Variants in COMT observed in about 807,000 individuals in gnomAD.
The protein encoded by COMT is catechol O-methyltransferase.
Under a neutral mutation model 18.9 loss-of-function variants are expected in COMT, and 13 were observed. That is an observed-to-expected ratio of 0.69 (90% CI 0.45 to 1.09). The LOEUF is 1.09. Ranked by LOEUF, COMT falls within the 50% of genes least tolerant of loss-of-function variation. COMT has a pLI of 0.00. For missense variants in COMT, 329 were observed against 361.8 expected (o/e 0.91, Z 0.73); for synonymous variants, 150 against 160.9 (o/e 0.93, Z 0.51).
chr22:19,954,021 C>A (rs1004835490), intron 1 of COMT, among the ~76,000 whole-genome samples: 23 of 152,180 alleles, frequency 1.5e-4, no homozygotes, highest in Non-Finnish European at 8.8e-5. Flanking sequence ...GCCCCACAGG[C>A]AGGGATGGCC....
At chr22:19,957,033 C>T (rs1054591431) in intron 1 of COMT, among the ~76,000 whole-genome samples, 1 of 151,290 alleles carries the variant, frequency 6.6e-6, no homozygotes, top group Non-Finnish European at 1.5e-5. Flanking sequence ...TCACTGCAAG[C>T]TCCGCCTCTG....
intron 1 of COMT, among the ~76,000 whole-genome samples, chr22:19,951,892 C>T (rs544942987): frequency 2.0e-5 from 3 of 152,336 alleles, no homozygotes; most frequent in Admixed American, 6.5e-5. Flanking sequence ...GGCTGGGAGA[C>T]AGGGGCCCCA....
chr22:19,954,088 C>T (rs1336984449), intron 1 of COMT, among the ~76,000 whole-genome samples: 1 of 152,212 alleles, frequency 6.6e-6, no homozygotes, highest in Non-Finnish European at 1.5e-5. Context: ...TTGCCTCTCT[C>T]AGCCCAGCCC....
intron 3 of COMT, chr22:19,963,341 G>A (rs1942247280): frequency 3.3e-6 from 2 of 609,666 alleles, no homozygotes; most frequent in Non-Finnish European, 5.8e-6. Flanking sequence ...GGGACCATGG[G>A]AGCTCCAAGC....
chr22:19,952,650 AAAC>A (rs922830950), intron 1 of COMT, among the ~76,000 whole-genome samples: 16 of 135,020 alleles, frequency 1.2e-4, no homozygotes, highest in African/African-American at 2.6e-4. Context: ...AAACAAAACA[AAAC>A]AACAACAAAA....
At position 19,962,987 on chromosome 22, in the gene COMT, G is replaced by T; in HGVS notation, c.289+172G>T. 7.8e-6 allele frequency: 6 copies of T among 773,674 alleles called. No individual in the cohort carries two copies. In the South Asian group the frequency reaches 9.5e-5, roughly 12 times the overall value. The allele number at this position is 773,674 out of a possible 1,614,324, so 47.9% of individuals were successfully genotyped here. A position where few individuals can be genotyped will look rare whatever the true frequency, so the allele number is the denominator to read the frequency against. ...GGAGTCCCAGGGTGCCAGGGTCCCT[G>T]ATGACCCCTGCAGGCCCTGCTGCCT... On this transcript the variant is annotated intron_variant, in intron 3 of 5. Transcript: ENST00000361682.
Position 19,964,192 on chromosome 22 carries a change from C to T in COMT, c.508C>T (p.Gln170Ter). 1 of 1,614,124 alleles carries T rather than the reference C, an allele frequency of 6.2e-7. No homozygotes were observed. The highest frequency in any genetic ancestry group is 8.5e-7 in the Non-Finnish European group (1 of 1,180,032). ...GGTCACCCTTGTGGTTGGAGCGTCCCAGGACATCATCCCCCAGCTGAAGAA... is the reference window on the plus strand; with the variant it reads ...GGTCACCCTTGTGGTTGGAGCGTCCTAGGACATCATCCCCCAGCTGAAGAA... ...DKVTLVVGAS[Q>*]DIIPQLKKKY... Residue 170 changes from glutamine to a stop codon, truncating the protein, a stop_gained, in exon 5 of 6, where the codon CAG becomes TAG. Transcript: ENST00000361682. LOFTEE classifies it high-confidence loss of function.
chr22:19,956,679 T>G (rs1023273717), intron 1 of COMT, among the ~76,000 whole-genome samples: 3 of 151,778 alleles, frequency 2.0e-5, no homozygotes, highest in Non-Finnish European at 4.4e-5. Flanking sequence ...CCAGGCCCAT[T>G]TTCTAGTTAT....
intron 1 of COMT, among the ~76,000 whole-genome samples, chr22:19,943,635 A>G (rs1941783993): frequency 6.7e-6 from 1 of 148,778 alleles, no homozygotes. Context: ...GAGAGCCCCT[A>G]TCTTTAAAAA....
chr22:19,948,325 G>T (rs1343868110), intron 1 of COMT, among the ~76,000 whole-genome samples: 1 of 152,040 alleles, frequency 6.6e-6, no homozygotes, highest in African/African-American at 2.4e-5. Flanking sequence ...GTCTTCCAGG[G>T]GCCCTCCAGG....
At chr22:19,967,116 A>G (rs1032779737) in intron 5 of COMT, 9 of 1,286,792 alleles carry the variant, frequency 7.0e-6, no homozygotes, top group Non-Finnish European at 9.2e-6. Flanking sequence ...AAGGTGACCC[A>G]TGCTCCTTTC....
intron 4 of COMT, 84 bp downstream of exon 4, chr22:19,963,843 A>G: frequency 1.4e-6 from 2 of 1,469,956 alleles, no homozygotes; most frequent in Non-Finnish European, 1.8e-6. Context: ...CCTCCCCACC[A>G]GGTGTTCACA....
At position 19,955,836 on chromosome 22, in the gene COMT, C is replaced by G. The variant is rs115252241; in HGVS notation, c.-91-5363C>G. On this transcript the variant is annotated intron_variant, in intron 1 of 5. Coordinates refer to ENST00000361682, the MANE Select transcript of COMT (RefSeq NM_000754.4). ...GTGGCCTTTCCGAGGGTCACTGCAG[C>G]CGCATGTTGGCCCTCTGTGGAGAAC... Among the ~76,000 whole-genome samples, 774 of 152,342 alleles carry G rather than the reference C, an allele frequency of 5.1e-3. 7 individuals are homozygous for G. Among genetic ancestry groups the G allele is most frequent in the African/African-American group, 0.018 (751 of 41,574 alleles).
chr22:19,964,395 C>T (rs1188489165), intron 5 of COMT, 96 bp downstream of exon 5: 3 of 1,556,992 alleles, frequency 1.9e-6, no homozygotes, highest in Admixed American at 3.5e-5. Flanking sequence ...TCCAGTAGAG[C>T]CCTGTGTGGA....
chr22:19,944,754 G>A (rs995013259), intron 1 of COMT, among the ~76,000 whole-genome samples: 4 of 151,626 alleles, frequency 2.6e-5, no homozygotes, highest in African/African-American at 7.3e-5. Context: ...CCCGGGAGGT[G>A]GAGCTTGCAA....
intron 5 of COMT, chr22:19,967,077 G>A (rs1197431036): frequency 2.4e-5 from 30 of 1,226,940 alleles, no homozygotes; most frequent in Non-Finnish European, 2.9e-5. Flanking sequence ...GACCAGTTTC[G>A]TAAAGGAGTG....
At chr22:19,963,305 G>A in intron 3 of COMT, 5 of 592,596 alleles carry the variant, frequency 8.4e-6, no homozygotes, top group South Asian at 6.0e-5. Context: ...GGAAAAGATA[G>A]GGACCAGCGT....
intron 3 of COMT, 165 bp from the exon 4 acceptor site, chr22:19,963,401 G>A: frequency 1.3e-6 from 1 of 775,560 alleles, no homozygotes; most frequent in Non-Finnish European, 2.1e-6. Context: ...CCAGGGAGGT[G>A]AAATACCCCT....
chr22:19,965,973 GCTGGGC>G (rs1490385094), intron 5 of COMT, among the ~76,000 whole-genome samples: 1 of 152,268 alleles, frequency 6.6e-6, no homozygotes, highest in Non-Finnish European at 1.5e-5. Flanking sequence ...GACACCCACA[GCTGGGC>G]CTGCGTTACT....
Sources: gnomAD v4.1 joint callset for allele counts (sites outside exome capture counted in the v4.1 genomes callset) on GRCh38, gnomAD v4.1.1 for gene constraint, MANE v1.5 for transcripts, NCBI Gene and HGNC (gene_info 2026-07-23, HGNC 2026-07-21) for gene names.